MDN1: variants seen among roughly 807,000 people sequenced by gnomAD.
The protein encoded by MDN1 is midasin AAA ATPase 1.
A neutral mutation model predicts 669.2 loss-of-function variants in MDN1; 266 were observed. The observed-to-expected ratio is 0.40, with a 90% CI of 0.36 to 0.44. The LOEUF (loss-of-function observed/expected upper bound fraction) is 0.44, where lower values mean the gene tolerates loss of function less well. Ranked by LOEUF, MDN1 falls within the 20% of genes least tolerant of loss-of-function variation. The pLI is 1.00. For synonymous variants in MDN1, 2,385 were observed against 2,457.1 expected (o/e 0.97, Z 0.87); for missense variants, 5,940 against 6,754.0 (o/e 0.88, Z 4.22).
rs746516748 is a variant in MDN1, at chr6:89,678,617, T to C, written c.12394A>G (p.Lys4132Glu). 1 of 1,614,116 alleles carries C rather than the reference T, an allele frequency of 6.2e-7. No individual in the cohort carries two copies. The highest frequency in any genetic ancestry group is 8.5e-7 in the Non-Finnish European group (1 of 1,179,988). The change falls in exon 75 of 102, where the codon AAA becomes GAA. Residue 4132 changes from lysine (K) to glutamate (E), a missense_variant. Physicochemically the swap from Lys to Glu is moderately conservative, Grantham distance 56. Around this residue, in one of 5 missense-constraint regions of MDN1, gnomAD observed 2,280 missense variants for 2,576.3 expected, o/e 0.88. Coordinates refer to ENST00000369393, the MANE Select transcript of MDN1 (RefSeq NM_014611.3). The part of the protein sequence containing the change: ...QKQRALSDLF[K>E]HLAKIGLSYR... ...ACCTTACCAATTTTTGCAAGGTGTTTAAAGAGGTCTGACAAAGCTCGCTGT... is the reference window on the plus strand; with the variant it reads ...ACCTTACCAATTTTTGCAAGGTGTTCAAAGAGGTCTGACAAAGCTCGCTGT...
At position 89,720,164 on chromosome 6, in the gene MDN1, T is replaced by C. The variant is rs150312138; in HGVS notation, c.5968-939A>G. On this transcript the variant is annotated intron_variant, in intron 40 of 101. Transcript: ENST00000369393. ...AGTGTCAAACATTGGACTGTGAGACTAAAAGCAGCATAGGAAAGTGTTCCT... is the reference window on the plus strand; with the variant it reads ...AGTGTCAAACATTGGACTGTGAGACCAAAAGCAGCATAGGAAAGTGTTCCT... Among the ~76,000 whole-genome samples the C allele has an allele frequency of 6.1e-3, 931 of 152,300 alleles. 9 individuals are homozygous for C. Among genetic ancestry groups the C allele is most frequent in the African/African-American group, 0.02 (838 of 41,576 alleles).
Position 89,708,487 on chromosome 6 carries a change from T to A in MDN1, c.7898+9A>T. The A allele has an allele frequency of 6.2e-7, 1 of 1,613,792 alleles. No individual in the cohort carries two copies. Among genetic ancestry groups the A allele is most frequent in the Non-Finnish European group, 8.5e-7 (1 of 1,179,868 alleles). ...GCAAACAGTGCCCAGAGCAGCAGGTTTCACTTACTTGTTTGCAGCTGATTC... is the reference window on the plus strand; with the variant it reads ...GCAAACAGTGCCCAGAGCAGCAGGTATCACTTACTTGTTTGCAGCTGATTC... On this transcript the variant is annotated intron_variant, in intron 51 of 101. Transcript: ENST00000369393.
intron 95 of MDN1, among the ~76,000 whole-genome samples, chr6:89,651,237 A>T (rs776203041): frequency 2.6e-5 from 4 of 151,014 alleles, no homozygotes; most frequent in Non-Finnish European, 5.9e-5. Flanking sequence ...AGGCAGGAGA[A>T]TCGCTTGAAC....
chr6:89,677,831 G>A (rs1320483275), intron 75 of MDN1, 135 bp from the exon 76 acceptor site: 1 of 1,124,670 alleles, frequency 8.9e-7, no homozygotes, highest in Non-Finnish European at 1.3e-6. Flanking sequence ...AGACTCTCAG[G>A]CTGCACCCAC....
rs573282359 is a variant in MDN1 at position 89,792,783 on chromosome 6, C to G, written c.855+979G>C. 2.0e-5 allele frequency among the ~76,000 whole-genome samples: 3 copies of G among 151,808 alleles called. No homozygotes were observed. In the East Asian group the frequency reaches 5.8e-4, roughly 29 times the overall value. On this transcript the variant is annotated intron_variant, in intron 5 of 101. Coordinates refer to ENST00000369393, the MANE Select transcript of MDN1 (RefSeq NM_014611.3). ...TGGGTGGCCTGGGTGTAGTGGCTCA[C>G]GCTGAGGCAGGGGGTCACGAGGTCA...
chr6:89,655,685 A>G, intron 92 of MDN1, 79 bp downstream of exon 92: 1 of 1,277,570 alleles, frequency 7.8e-7, no homozygotes. Context: ...ACAAATACGT[A>G]TCATTATTAT....
At chr6:89,780,815 AT>A (rs67350721) in intron 10 of MDN1, among the ~76,000 whole-genome samples, 321 of 145,144 alleles carry the variant, frequency 2.2e-3, no homozygotes, top group South Asian at 5.4e-3. Context: ...TAATTTTTGT[AT>A]TTTTTTTTTT....
chr6:89,776,709 C>G lies in MDN1; in HGVS notation c.1726-14G>C. 1.3e-6 allele frequency: 2 copies of G among 1,534,754 alleles called. No homozygotes were observed. Among genetic ancestry groups the G allele is most frequent in the Non-Finnish European group, 1.8e-6 (2 of 1,125,694 alleles). On this transcript the variant is annotated splice_polypyrimidine_tract_variant and intron_variant, in intron 11 of 101. Coordinates refer to ENST00000369393, the MANE Select transcript of MDN1 (RefSeq NM_014611.3). The stretch of plus-strand genomic sequence containing the variant: ...ACAGTCTAGAGCCTATTAAAATAAC[C>G]AAGGTAAATGCTGACTGATTTTTAA...
chr6:89,697,700 G>T (rs890126180), intron 59 of MDN1, among the ~76,000 whole-genome samples: 2 of 151,644 alleles, frequency 1.3e-5, no homozygotes, highest in Non-Finnish European at 2.9e-5. Flanking sequence ...TCCTGACTCA[G>T]CCTCCCAAGT....
chr6:89,783,466 G>T (rs564127507), intron 9 of MDN1, among the ~76,000 whole-genome samples: 3 of 152,128 alleles, frequency 2.0e-5, no homozygotes, highest in Non-Finnish European at 4.4e-5. Flanking sequence ...TACGTGCACC[G>T]CTGAACATAG....
chr6:89,718,180 T>C (rs1814539145), intron 43 of MDN1, among the ~76,000 whole-genome samples, 186 bp downstream of exon 43: 1 of 152,242 alleles, frequency 6.6e-6, no homozygotes, highest in Non-Finnish European at 1.5e-5. Context: ...CTATTTGATT[T>C]TTCAGGATCA....
intron 5 of MDN1, among the ~76,000 whole-genome samples, chr6:89,793,142 G>A (rs1466128473): frequency 1.3e-5 from 2 of 152,192 alleles, no homozygotes; most frequent in East Asian, 3.8e-4. Flanking sequence ...GCATATGGGA[G>A]AGAGGAAGTT....
chr6:89,662,719 G>T, intron 86 of MDN1, 73 bp downstream of exon 86: 5 of 1,469,506 alleles, frequency 3.4e-6, no homozygotes, highest in Non-Finnish European at 4.7e-6. Context: ...AGAAGTAAAT[G>T]ACAGAGAATG....
intron 73 of MDN1, 57 bp from the exon 74 acceptor site, chr6:89,680,808 C>A (rs943075369): frequency 2.4e-5 from 38 of 1,566,944 alleles, no homozygotes; most frequent in Non-Finnish European, 3.3e-5. Flanking sequence ...AGTGTCCCTG[C>A]AAGGGAACTA....
At chr6:89,756,593 G>A (rs1360125189) in intron 19 of MDN1, among the ~76,000 whole-genome samples, 2 of 152,140 alleles carry the variant, frequency 1.3e-5, no homozygotes, top group Admixed American at 1.3e-4. Flanking sequence ...CTTCTTCTAT[G>A]CAATAAGTCT....
chr6:89,650,881 A>G, intron 95 of MDN1, 34 bp from the exon 96 acceptor site: 1 of 1,573,806 alleles, frequency 6.4e-7, no homozygotes, highest in South Asian at 1.1e-5. Flanking sequence ...TTACCCTCAG[A>G]ATGTCAGAGC....
chr6:89,728,060 A>G, intron 36 of MDN1, 105 bp from the exon 37 acceptor site: 1 of 1,334,652 alleles, frequency 7.5e-7, no homozygotes, highest in Non-Finnish European at 1.0e-6. Context: ...TGGCACCACT[A>G]CTCTTCCTTC....
intron 9 of MDN1, among the ~76,000 whole-genome samples, chr6:89,782,009 AAAG>A (rs1483809923): frequency 2.0e-5 from 3 of 152,030 alleles, no homozygotes; most frequent in Non-Finnish European, 4.4e-5. Context: ...ATAAAAATGA[AAAG>A]AAATTTTGTC....
intron 53 of MDN1, among the ~76,000 whole-genome samples, chr6:89,703,730 A>T (rs144651101): frequency 2.6e-5 from 4 of 152,160 alleles, no homozygotes; most frequent in African/African-American, 9.6e-5. Context: ...AACAATTGAG[A>T]GGCCAGGTGC....
Sources: gnomAD v4.1 joint callset for allele counts (sites outside exome capture counted in the v4.1 genomes callset) on GRCh38, gnomAD v4.1.1 for gene constraint, gnomAD v4.1.1 regional missense constraint, MANE v1.5 for transcripts, NCBI Gene and HGNC (gene_info 2026-07-23, HGNC 2026-07-21) for gene names.